The following TRIM36 variants were observed in gnomAD, a reference collection of about 807,000 sequenced individuals.
The protein encoded by TRIM36 is E3 ubiquitin-protein ligase TRIM36.
Under a neutral mutation model 72.4 loss-of-function variants are expected in TRIM36, and 42 were observed. The observed-to-expected ratio is 0.58, with a 90% CI of 0.45 to 0.75. The LOEUF is 0.75. TRIM36 is among the 30% of genes least tolerant of loss of function. The probability of loss-of-function intolerance (pLI) is 0.00; values close to 1 mark genes in which losing one functional copy is unlikely to be tolerated. For synonymous variants in TRIM36, 315 were observed against 282.8 expected (o/e 1.11, Z -1.14); for missense variants, 913 against 857.1 (o/e 1.07, Z -0.81).
rs576128332 is a variant in TRIM36 at position 115,125,118 on chromosome 5, T to C, written c.*1385A>G. The C allele has an allele frequency of 1.8e-4, 28 of 152,324 alleles. No homozygotes were observed. Among genetic ancestry groups the C allele is most frequent in the Non-Finnish European group, 3.8e-4 (26 of 67,936 alleles). The allele number at this position is 152,324 out of a possible 1,614,324, so 9.4% of individuals were successfully genotyped here. ...TACCAGCCTGAGTAACAGATTTCCA[T>C]TAAAAATATAACAACAAGGACAACC... On this transcript the variant is annotated 3_prime_UTR_variant, in exon 10 of 10. Coordinates refer to ENST00000513154, the MANE Select transcript of TRIM36 (RefSeq NM_001300759.2).
chr5:115,152,045 G>C (rs895500987), intron 2 of TRIM36, among the ~76,000 whole-genome samples: 2 of 152,074 alleles, frequency 1.3e-5, no homozygotes, highest in African/African-American at 4.8e-5. Flanking sequence ...ACCTGAAAAA[G>C]AATCCAGAAG....
intron 1 of TRIM36, among the ~76,000 whole-genome samples, chr5:115,176,305 T>C (rs1755337086): frequency 6.6e-6 from 1 of 152,150 alleles, no homozygotes; most frequent in South Asian, 2.1e-4. Flanking sequence ...TAGTCTAGAT[T>C]TGAGGACTTT....
At chr5:115,155,673 T>G (rs748809261) in intron 2 of TRIM36, among the ~76,000 whole-genome samples, 1 of 152,096 alleles carries the variant, frequency 6.6e-6, no homozygotes, top group African/African-American at 2.4e-5. Context: ...CTCAATATAA[T>G]AAAACCCATC....
At chr5:115,175,369 A>G (rs1389833713) in intron 1 of TRIM36, among the ~76,000 whole-genome samples, 2 of 152,196 alleles carry the variant, frequency 1.3e-5, no homozygotes, top group Non-Finnish European at 2.9e-5. Flanking sequence ...TAAAAGATTC[A>G]TTTAACCCTT....
chr5:115,152,281 G>A (rs1237502673), intron 2 of TRIM36, among the ~76,000 whole-genome samples: 5 of 152,070 alleles, frequency 3.3e-5, no homozygotes, highest in East Asian at 1.9e-4. Flanking sequence ...TTCAGAGCTC[G>A]AAGACAAAGT....
chr5:115,145,850 A>G (rs543212227), intron 3 of TRIM36, among the ~76,000 whole-genome samples: 2 of 152,368 alleles, frequency 1.3e-5, no homozygotes, highest in African/African-American at 4.8e-5. Flanking sequence ...TACATTTAAA[A>G]TAAAATACAA....
upstream of TRIM36, among the ~76,000 whole-genome samples, chr5:115,170,577 T>C (rs2126949481): frequency 6.6e-6 from 1 of 152,322 alleles, no homozygotes; most frequent in East Asian, 1.9e-4. Flanking sequence ...CTGGCTTCAC[T>C]TGCTGGGTGA....
intron 2 of TRIM36, among the ~76,000 whole-genome samples, chr5:115,160,568 T>C (rs1754430580): frequency 6.6e-6 from 1 of 152,140 alleles, no homozygotes; most frequent in African/African-American, 2.4e-5. Flanking sequence ...CTGGGTATAG[T>C]GAATAACGCC....
chr5:115,128,513 G>A lies in TRIM36; in HGVS notation c.1797-1656C>T, dbSNP rs1210666556. 2.0e-5 allele frequency among the ~76,000 whole-genome samples: 3 copies of A among 151,650 alleles called. No homozygotes were observed. The East Asian group carries it at 5.8e-4, about 29-fold the overall frequency. The stretch of plus-strand genomic sequence containing the variant: ...CACGCCTGTAATCCCAGCACTTTGG[G>A]AGGCTGAGGCGGGTGGATCATGAGG... On this transcript the variant is annotated intron_variant, in intron 9 of 9. Transcript: ENST00000513154.
At chr5:115,154,189 G>T (rs771174294) in intron 2 of TRIM36, among the ~76,000 whole-genome samples, 1 of 151,958 alleles carries the variant, frequency 6.6e-6, no homozygotes, top group African/African-American at 2.4e-5. Context: ...CAAAGGCAGT[G>T]CTAAGACGAA....
chr5:115,145,312 C>T (rs1479572276), intron 3 of TRIM36, among the ~76,000 whole-genome samples: 1 of 152,130 alleles, frequency 6.6e-6, no homozygotes, highest in Admixed American at 6.5e-5. Flanking sequence ...ATTTCATTGT[C>T]TACCTTTTTA....
intron 1 of TRIM36, among the ~76,000 whole-genome samples, chr5:115,166,439 G>C (rs146125858): frequency 1.3e-5 from 2 of 152,104 alleles, no homozygotes; most frequent in Admixed American, 6.5e-5. Context: ...TACCCACTCC[G>C]GGTCTCTTCT....
intron 5 of TRIM36, among the ~76,000 whole-genome samples, chr5:115,140,107 G>A (rs923417844): frequency 6.6e-6 from 1 of 152,176 alleles, no homozygotes; most frequent in Non-Finnish European, 1.5e-5. Flanking sequence ...TTAGGGTGGT[G>A]AATCAGTAAA....
chr5:115,161,440 T>C (rs1464043736), intron 2 of TRIM36, among the ~76,000 whole-genome samples: 1 of 152,188 alleles, frequency 6.6e-6, no homozygotes, highest in Non-Finnish European at 1.5e-5. Flanking sequence ...CCCATTGTTT[T>C]AAACAAAGTC....
At chr5:115,176,850 G>C (rs1468074850) in intron 1 of TRIM36, among the ~76,000 whole-genome samples, 1 of 152,164 alleles carries the variant, frequency 6.6e-6, no homozygotes, top group Non-Finnish European at 1.5e-5. Context: ...AATGGTAAAA[G>C]TTTCACTGCT....
Position 115,163,711 on chromosome 5 carries a change from T to G in TRIM36, c.69A>C (p.Ala23=), listed in dbSNP as rs771252320. The G allele has an allele frequency of 9.3e-6, 15 of 1,614,100 alleles. 1 individual carries two copies. The Middle Eastern group carries it at 6.6e-4, about 71-fold the overall frequency. ...ATGGGTGGGTAAACAGCTCCTTGCA[T>G]GCTGGGCAAATGAGCTCCCTTTCGA... The part of the protein sequence containing the change: ...KNIERELICP[A]CKELFTHPLI... Residue 23 remains alanine (A), a synonymous_variant, in exon 2 of 10, where the codon GCA becomes GCC. Transcript: ENST00000513154.
chr5:115,162,314 G>C (rs982616710), intron 2 of TRIM36, among the ~76,000 whole-genome samples: 17 of 152,126 alleles, frequency 1.1e-4, no homozygotes, highest in African/African-American at 3.6e-4. Context: ...TGGTGTAATG[G>C]AGCTCATATT....
intron 2 of TRIM36, among the ~76,000 whole-genome samples, chr5:115,162,690 A>G (rs1306778180): frequency 2.0e-5 from 3 of 152,158 alleles, no homozygotes; most frequent in South Asian, 4.1e-4. Context: ...CAATTAGCCA[A>G]TGAAGATCTA....
intron 2 of TRIM36, among the ~76,000 whole-genome samples, chr5:115,154,482 A>T (rs1279068937): frequency 2.0e-5 from 3 of 152,348 alleles, no homozygotes; most frequent in East Asian, 3.9e-4. Context: ...AAATAAGCTC[A>T]ATAAGAAATG....
Sources: allele counts gnomAD v4.1 joint callset (sites outside exome capture counted in the v4.1 genomes callset), GRCh38; gene constraint gnomAD v4.1.1; transcripts MANE v1.5; gene names NCBI Gene and HGNC (gene_info 2026-07-23, HGNC 2026-07-21).